Variants in TENM4 observed in about 807,000 individuals in gnomAD.
The protein encoded by TENM4 is teneurin-4.
In TENM4, 82 loss-of-function variants were observed where a neutral mutation model predicts 243.3. That is an observed-to-expected ratio of 0.34 (90% CI 0.28 to 0.40). The LOEUF (loss-of-function observed/expected upper bound fraction) is 0.40. Among genes scored for constraint, TENM4 ranks in the 10% least tolerant of loss-of-function variants. The pLI is 1.00. For missense variants in TENM4, 3,138 were observed against 3,673.3 expected (o/e 0.85, Z 3.77); for synonymous variants, 1,412 against 1,456.3 (o/e 0.97, Z 0.69).
intron 6 of TENM4, among the ~76,000 whole-genome samples, chr11:78,915,727 A>G (rs1432137636): frequency 2.6e-5 from 4 of 152,230 alleles, no homozygotes; most frequent in Admixed American, 1.3e-4. Context: ...TCAAAGGTCA[A>G]GGCAGGTTAT....
intron 14 of TENM4, among the ~76,000 whole-genome samples, chr11:78,809,257 C>T (rs76769454): frequency 0.056 from 8,546 of 152,216 alleles, 769 homozygotes; most frequent in African/African-American, 0.2. Context: ...AAGGAACTGA[C>T]GAGAGGCTAC....
chr11:79,027,010 A>G (rs75814879), intron 6 of TENM4, among the ~76,000 whole-genome samples: 3,994 of 152,218 alleles, frequency 0.026, 121 homozygotes, highest in East Asian at 0.078. Context: ...TGGGTGTTCT[A>G]ATACTTCCTA....
intron 12 of TENM4, among the ~76,000 whole-genome samples, chr11:78,824,387 C>T (rs114516160): frequency 0.016 from 2,494 of 152,110 alleles, 92 homozygotes; most frequent in African/African-American, 0.058. Context: ...GACCAGATCT[C>T]GGGAGAACTC....
intron 1 of TENM4, among the ~76,000 whole-genome samples, chr11:79,360,287 C>G (rs916220757): frequency 6.6e-6 from 1 of 152,138 alleles, no homozygotes; most frequent in Non-Finnish European, 1.5e-5. Flanking sequence ...ATTTCTTGTA[C>G]AATTCATAAG....
intron 22 of TENM4, among the ~76,000 whole-genome samples, chr11:78,726,616 G>A (rs1855517240): frequency 6.6e-6 from 1 of 152,124 alleles, no homozygotes; most frequent in Non-Finnish European, 1.5e-5. Context: ...TCATGGGGTG[G>A]ATTCTCATGA....
chr11:79,294,849 C>CA (rs1306359503), intron 2 of TENM4, among the ~76,000 whole-genome samples: 73 of 145,314 alleles, frequency 5.0e-4, no homozygotes, highest in Admixed American at 1.0e-3. Flanking sequence ...AACTCTGTCT[C>CA]AAAAAAAAAA....
intron 12 of TENM4, among the ~76,000 whole-genome samples, chr11:78,822,086 C>T (rs1857745341): frequency 6.6e-6 from 1 of 152,182 alleles, no homozygotes; most frequent in South Asian, 2.1e-4. Context: ...CATATATTTT[C>T]AGTCGCTGGA....
At chr11:79,164,043 C>CTATAAATACTATGTATA (rs1202726297) in intron 3 of TENM4, among the ~76,000 whole-genome samples, 10 of 41,020 alleles carry the variant, frequency 2.4e-4, no homozygotes, top group African/African-American at 7.2e-4. Context: ...TATATATACA[C>CTATAAATACTATGTATA]TATAAATACT....
intron 6 of TENM4, among the ~76,000 whole-genome samples, chr11:78,969,225 T>C (rs996819073): frequency 3.9e-5 from 6 of 152,184 alleles, no homozygotes; most frequent in African/African-American, 7.2e-5. Flanking sequence ...AGCCTGCCAA[T>C]TACACTTTTA....
chr11:79,040,349 CCTT>C (rs1486250423), intron 6 of TENM4, among the ~76,000 whole-genome samples: 1 of 152,220 alleles, frequency 6.6e-6, no homozygotes, highest in Non-Finnish European at 1.5e-5. Context: ...ATTCCCCTCT[CCTT>C]CTTCCTCACT....
Position 78,676,145 on chromosome 11 carries a change from C to T in TENM4, c.5496+7G>A, listed in dbSNP as rs750473540. 42 of 1,499,586 alleles carry T rather than the reference C, an allele frequency of 2.8e-5. No homozygotes were observed. The highest frequency in any genetic ancestry group is 1.9e-4 in the African/African-American group (14 of 72,412). 92.9% of individuals were successfully genotyped at this position (1,499,586 alleles called of 1,614,324 possible). On this transcript the variant is annotated splice_region_variant and intron_variant, in intron 30 of 33. Transcript: ENST00000278550. ...AGGACGCAGCCACCTCCAGAGGCCT[C>T]GCTCACCCGCAGCCGGCGCCCAAAG...
chr11:78,964,542 C>CTATG (rs1306565080), intron 6 of TENM4, among the ~76,000 whole-genome samples: 1 of 152,140 alleles, frequency 6.6e-6, no homozygotes, highest in African/African-American at 2.4e-5. Flanking sequence ...AAAATTCAGG[C>CTATG]TATGATTCAC....
At chr11:79,156,370 G>A (rs566190951) in intron 3 of TENM4, among the ~76,000 whole-genome samples, 1 of 152,238 alleles carries the variant, frequency 6.6e-6, no homozygotes, top group Non-Finnish European at 1.5e-5. Flanking sequence ...CCCTGTTCAC[G>A]TTGTGTGTAA....
intron 9 of TENM4, among the ~76,000 whole-genome samples, chr11:78,888,050 GTAC>G (rs1855583318): frequency 6.6e-6 from 1 of 152,176 alleles, no homozygotes; most frequent in South Asian, 2.1e-4. Flanking sequence ...CCAAGTAATG[GTAC>G]TGGAACTATA....
chr11:79,328,623 C>T (rs1027794232), intron 1 of TENM4, among the ~76,000 whole-genome samples: 6 of 151,900 alleles, frequency 3.9e-5, no homozygotes, highest in East Asian at 3.9e-4. Flanking sequence ...CCGAGGGAGG[C>T]GGGGACACAG....
intron 6 of TENM4, among the ~76,000 whole-genome samples, chr11:78,917,210 T>TC (rs1856338009): frequency 6.6e-6 from 1 of 152,226 alleles, no homozygotes; most frequent in South Asian, 2.1e-4. Context: ...GCTACACAGC[T>TC]TGCCCAGGTG....
intron 3 of TENM4, among the ~76,000 whole-genome samples, chr11:79,163,515 A>T (rs1052466244): frequency 1.3e-5 from 2 of 151,778 alleles, no homozygotes; most frequent in East Asian, 3.9e-4. Context: ...CCTATACCCA[A>T]TGTGTAGTCT....
intron 15 of TENM4, 49 bp from the exon 16 acceptor site, chr11:78,787,132 GC>G: frequency 6.7e-7 from 1 of 1,502,702 alleles, no homozygotes; most frequent in East Asian, 2.5e-5. Context: ...AGGATGGGAG[GC>G]AGTGGCCAGA....
chr11:79,206,048 C>G (rs1034302136), intron 3 of TENM4, among the ~76,000 whole-genome samples: 1 of 152,188 alleles, frequency 6.6e-6, no homozygotes, highest in South Asian at 2.1e-4. Context: ...TTATAGGGAG[C>G]AATGAAGCCT....
Sources: allele counts gnomAD v4.1 joint callset (sites outside exome capture counted in the v4.1 genomes callset), GRCh38; gene constraint gnomAD v4.1.1; transcripts MANE v1.5; gene names NCBI Gene and HGNC (gene_info 2026-07-23, HGNC 2026-07-21).